The following POLR1C variants were observed in gnomAD, a reference collection of about 807,000 sequenced individuals.
POLR1C encodes the protein RNA polymerase I and III subunit C.
Under a neutral mutation model 38.3 loss-of-function variants are expected in POLR1C, and 42 were observed. The observed-to-expected ratio is 1.10, with a 90% CI of 0.86 to 1.42. The LOEUF (loss-of-function observed/expected upper bound fraction) is 1.42. POLR1C is among the 40% of genes most tolerant of loss of function. POLR1C has a pLI of 0.00. For synonymous variants in POLR1C, 163 were observed against 163.9 expected (o/e 0.99, Z 0.04); for missense variants, 507 against 450.5 (o/e 1.13, Z -1.14).
In POLR1C at chr6:43,521,179, C is replaced by T; in HGVS notation, c.923-3C>T. ...TAGACTAAAGTGTCTCTTTGGTCCCCAGTCTCTGTTGAGTCAACGGGGGTG... is the reference window on the plus strand; with the variant it reads ...TAGACTAAAGTGTCTCTTTGGTCCCTAGTCTCTGTTGAGTCAACGGGGGTG... On this transcript the variant is annotated splice_polypyrimidine_tract_variant and splice_region_variant and intron_variant, in intron 8 of 8. Coordinates refer to ENST00000642195, the MANE Select transcript of POLR1C (RefSeq NM_203290.4). 1 of 1,614,070 alleles carries T rather than the reference C, an allele frequency of 6.2e-7. No individual in the cohort carries two copies. The highest frequency in any genetic ancestry group is 8.5e-7 in the Non-Finnish European group (1 of 1,179,940).
At chr6:43,542,893 A>G (rs912799468) in intron 9 of POLR1C, among the ~76,000 whole-genome samples, 1 of 152,192 alleles carries the variant, frequency 6.6e-6, no homozygotes, top group South Asian at 2.1e-4. Flanking sequence ...TTATATATAT[A>G]TGTTCACAAA....
At chr6:43,552,696 T>C (rs886539038) in intron 10 of POLR1C, among the ~76,000 whole-genome samples, 1 of 152,186 alleles carries the variant, frequency 6.6e-6, no homozygotes, top group Non-Finnish European at 1.5e-5. Flanking sequence ...TTGGATTATA[T>C]CTTTTGTCTA....
rs1423053013 is a variant in POLR1C at position 43,539,650 on chromosome 6, CCCAGGGCCA to C, written c.*4+10300_*4+10308del. The C allele has an allele frequency of 3.2e-6, 4 of 1,258,906 alleles. 1 individual carries two copies. The highest frequency in any genetic ancestry group is 5.0e-5 in the East Asian group (2 of 40,116). The allele number at this position is 1,258,906 out of a possible 1,614,324, so 78.0% of individuals were successfully genotyped here. A position where few individuals can be genotyped will look rare whatever the true frequency, so the allele number is the denominator to read the frequency against. Reference sequence around the variant, plus strand: ...TGCGGAAGCCACCGCGGTTCCCCATCCCAGGGCCACCAGGGCCTCCAGGCCCCCCCACTG... The same window carrying C: ...TGCGGAAGCCACCGCGGTTCCCCATCCCAGGGCCTCCAGGCCCCCCCACTG... On this transcript the variant is annotated intron_variant, in intron 9 of 10. Coordinates refer to the POLR1C transcript ENST00000607635.
intron 9 of POLR1C, among the ~76,000 whole-genome samples, chr6:43,538,149 T>C (rs1251735528): frequency 3.2e-3 from 425 of 131,766 alleles, no homozygotes; most frequent in African/African-American, 0.012. Flanking sequence ...CTTTTTTTTT[T>C]TTTTTTTTTT....
Position 43,519,313 on chromosome 6 carries a change from G to GT in POLR1C, c.142-14dup. ...CACAGAGAGCAGATTTCACTTAAAT[G>GT]TTTTTTCCTGTCCCTCTAGAATTTC... On this transcript the variant is annotated intron_variant, in intron 2 of 8. Transcript: ENST00000642195. 2.1e-6 allele frequency: 3 copies of GT among 1,459,324 alleles called. No homozygotes were observed. The highest frequency in any genetic ancestry group is 2.3e-5 in the South Asian group (2 of 87,696). 90.4% of individuals were successfully genotyped at this position (1,459,324 alleles called of 1,614,324 possible).
chr6:43,548,509 CAAGGA>C lies in POLR1C; in HGVS notation c.*5-2458_*5-2454del, dbSNP rs1795073084. ...CCAGAGGTGGTAAAGGTCTGATTTT[CAAGGA>C]GAGGTGGCTTACTCAAGGAAGAAAG... On this transcript the variant is annotated intron_variant, in intron 9 of 10. Transcript: ENST00000607635. 2.1e-6 allele frequency: 3 copies of C among 1,430,134 alleles called. No individual in the cohort carries two copies. The East Asian group carries it at 7.4e-5, about 35-fold the overall frequency. 88.6% of individuals were successfully genotyped at this position (1,430,134 alleles called of 1,614,324 possible).
At chr6:43,526,016 G>A, downstream of POLR1C, 2 of 1,423,222 alleles carry the variant, frequency 1.4e-6, no homozygotes, top group African/African-American at 1.4e-5. Flanking sequence ...GCAAAGCTGA[G>A]TGTTCTAGGC....
chr6:43,530,573 T>C, downstream of POLR1C: 1 of 1,267,208 alleles, frequency 7.9e-7, no homozygotes, highest in Non-Finnish European at 1.1e-6. Flanking sequence ...CTTAGATACA[T>C]AATCTCATCT....
chr6:43,527,879 C>T (rs577859438), intron 8 of POLR1C: 14 of 771,962 alleles, frequency 1.8e-5, no homozygotes, highest in Non-Finnish European at 2.9e-5. Context: ...AGCAGTGATC[C>T]ACTGAAGGAC....
At chr6:43,552,455 C>T (rs1266277196) in intron 10 of POLR1C, among the ~76,000 whole-genome samples, 3 of 152,006 alleles carry the variant, frequency 2.0e-5, no homozygotes, top group South Asian at 2.1e-4. Context: ...TGGGTTCAAG[C>T]GATTCCTGTA....
At chr6:43,526,299 A>G (rs1443619445), downstream of POLR1C, 1 of 361,016 alleles carries the variant, frequency 2.8e-6, no homozygotes, top group Non-Finnish European at 5.2e-6. Context: ...TAGGTAAGAA[A>G]GGAATACATA....
At chr6:43,532,319 C>A (rs1794036630), downstream of POLR1C, among the ~76,000 whole-genome samples, 1 of 152,200 alleles carries the variant, frequency 6.6e-6, no homozygotes, top group African/African-American at 2.4e-5. Flanking sequence ...AAATTAACAT[C>A]CTTCCTTTGG....
At chr6:43,555,128 G>A (rs1761993361) in intron 10 of POLR1C, 2 of 152,118 alleles carry the variant, frequency 1.3e-5, no homozygotes, top group African/African-American at 4.8e-5. Context: ...TTTTAGTAGA[G>A]ACAGGGTTTC....
Position 43,520,745 on chromosome 6 carries a change from C to T in POLR1C, c.776C>T (p.Pro259Leu), listed in dbSNP as rs762584743. ...AAEELSRCFS[P>L]GVIEVQEVQG... is the part of the protein sequence containing the mutation. ...GAGGAGTTGAGCAGGTGCTTCTCAC[C>T]TGGTGTTATTGAGGTGCAGGAAGTC... Residue 259 changes from proline to leucine, a missense_variant, in exon 7 of 9, where the codon CCT becomes CTT. Coordinates refer to ENST00000642195, the MANE Select transcript of POLR1C (RefSeq NM_203290.4). 1 of 1,614,090 alleles carries T rather than the reference C, an allele frequency of 6.2e-7. No individual in the cohort carries two copies. The highest frequency in any genetic ancestry group is 1.1e-5 in the South Asian group (1 of 91,072).
chr6:43,546,473 A>T (rs896336948), intron 9 of POLR1C: 3 of 1,202,186 alleles, frequency 2.5e-6, no homozygotes, highest in African/African-American at 1.6e-5. Flanking sequence ...ATCCCTCATT[A>T]ATACCACTAA....
intron 8 of POLR1C, chr6:43,528,351 G>T: frequency 1.3e-6 from 1 of 749,256 alleles, no homozygotes; most frequent in Non-Finnish European, 2.2e-6. Flanking sequence ...CACACCACAA[G>T]GTTAAAAAAA....
chr6:43,538,082 C>CA (rs1217531011), intron 9 of POLR1C, among the ~76,000 whole-genome samples: 1,705 of 35,952 alleles, frequency 0.047, 96 homozygotes, highest in Non-Finnish European at 0.064. Flanking sequence ...AAGATGGTCT[C>CA]AAAAAAAAAA....
At chr6:43,558,690 TTAA>T in intron 10 of POLR1C, 1 of 888,730 alleles carries the variant, frequency 1.1e-6, no homozygotes, top group Non-Finnish European at 1.7e-6. Flanking sequence ...TATTTAAGAG[TTAA>T]GCGTTTGCAT....
In POLR1C at chr6:43,520,978, C is replaced by T; in HGVS notation, c.852C>T (p.Ser284=). The change falls in exon 8 of 9, where the codon AGC becomes AGT. Residue 284 remains serine, a synonymous_variant. Coordinates refer to ENST00000642195, the MANE Select transcript of POLR1C (RefSeq NM_203290.4). ...CCAACCCCCGGCTGGATACCTTCAG[C>T]AGAGAAATCTTCCGGAATGAGAAGC... ...RVANPRLDTF[S]REIFRNEKLK... The T allele has an allele frequency of 3.1e-6, 5 of 1,614,144 alleles. No individual in the cohort carries two copies. The East Asian group carries it at 6.7e-5, about 22-fold the overall frequency.
Sources: allele counts gnomAD v4.1 joint callset (sites outside exome capture counted in the v4.1 genomes callset), GRCh38; gene constraint gnomAD v4.1.1; transcripts MANE v1.5; gene names NCBI Gene and HGNC (gene_info 2026-07-23, HGNC 2026-07-21).